Variants in TG observed in about 807,000 individuals in gnomAD.
The protein encoded by TG is thyroid hormones.
A neutral mutation model predicts 324.7 loss-of-function variants in TG; 270 were observed. That is an observed-to-expected ratio of 0.83 (90% CI 0.75 to 0.92). TG has a LOEUF of 0.92. Among genes scored for constraint, TG ranks in the 40% least tolerant of loss-of-function variants. The pLI, the probability that TG is intolerant of heterozygous loss-of-function variation, is 0.00. For synonymous variants in TG, 1,401 were observed against 1,327.0 expected (o/e 1.06, Z -1.21); for missense variants, 3,591 against 3,456.4 (o/e 1.04, Z -0.98).
intron 41 of TG, chr8:133,047,909 T>C (rs746881629): frequency 1.2e-6 from 2 of 1,610,882 alleles, no homozygotes; most frequent in Non-Finnish European, 1.7e-6. Flanking sequence ...CGGCCTTGTC[T>C]CTGCCCAGGC....
intron 22 of TG, among the ~76,000 whole-genome samples, chr8:132,927,772 C>T (rs1475177375): frequency 6.6e-6 from 1 of 152,172 alleles, no homozygotes; most frequent in Admixed American, 6.5e-5. Context: ...TATTTAGTCT[C>T]CTAGAATATT....
chr8:132,915,942 A>C (rs1352689986), intron 20 of TG, among the ~76,000 whole-genome samples: 1 of 152,122 alleles, frequency 6.6e-6, no homozygotes, highest in Non-Finnish European at 1.5e-5. Flanking sequence ...AAAGCCCTGA[A>C]TTTTCTTCAG....
chr8:132,967,329 A>G lies in TG; in HGVS notation c.5687-465A>G, dbSNP rs561887808. On this transcript the variant is annotated intron_variant, in intron 30 of 47. Transcript: ENST00000220616. ...TGTTTGATTTTGGAGAAGAAAGAGA[A>G]CACCCAAAATGAATCAAATCAACCA... Among the ~76,000 whole-genome samples, 10 of 152,346 alleles carry G rather than the reference A, an allele frequency of 6.6e-5. No homozygotes were observed. In the East Asian group the frequency reaches 1.9e-3, roughly 29 times the overall value.
chr8:132,910,252 A>G (rs1819316991), intron 18 of TG, among the ~76,000 whole-genome samples: 1 of 152,192 alleles, frequency 6.6e-6, no homozygotes, highest in Non-Finnish European at 1.5e-5. Context: ...GCTGGCTTTC[A>G]GGGCCCTGTC....
At chr8:132,930,253 C>A (rs977693562) in intron 23 of TG, among the ~76,000 whole-genome samples, 2 of 152,154 alleles carry the variant, frequency 1.3e-5, no homozygotes, top group African/African-American at 4.8e-5. Context: ...GGGACAGAAC[C>A]AAGTGGTCAA....
rs190112013 is a variant in TG at position 132,960,992 on chromosome 8, A to T, written c.5402-16A>T. On this transcript the variant is annotated splice_polypyrimidine_tract_variant and intron_variant, in intron 27 of 47. Coordinates refer to ENST00000220616, the MANE Select transcript of TG (RefSeq NM_003235.5). ...AGCACACTCAAGCTCATAAAAATAA[A>T]CATCTTCCTTTGCAGGTCTGACACC... is the stretch of plus-strand genomic sequence containing the variant. 1.6e-3 allele frequency: 2,534 copies of T among 1,613,748 alleles called. 5 individuals carry two copies. The highest frequency in any genetic ancestry group is 2.7e-3 in the Admixed American group (162 of 60,018).
intron 5 of TG, among the ~76,000 whole-genome samples, chr8:132,875,093 T>C (rs1488206035): frequency 1.3e-5 from 2 of 152,170 alleles, no homozygotes; most frequent in African/African-American, 4.8e-5. Context: ...CCCCTGCTCA[T>C]TACACCATAG....
At position 132,970,728 on chromosome 8, in the gene TG, G is replaced by A. The variant is rs567761753; in HGVS notation, c.5976-1066G>A. ...TCAGCCTGACCGCGGAGCTGTGATG[G>A]GAACTAGGGGAGTAGATTGTGCGTC... On this transcript the variant is annotated intron_variant, in intron 32 of 47. Transcript: ENST00000220616. Among the ~76,000 whole-genome samples, 16 of 152,314 alleles carry A rather than the reference G, an allele frequency of 1.1e-4. No individual in the cohort carries two copies. The South Asian group carries it at 3.3e-3, about 32-fold the overall frequency.
At position 133,131,917 on chromosome 8, in the gene TG, G is replaced by A. The variant is rs765232148; in HGVS notation, c.7968G>A (p.Met2656Ile). Residue 2656 changes from methionine (M) to isoleucine (I), a missense_variant, in exon 46 of 48, where the codon ATG becomes ATA. Met to Ile is a conservative substitution (Grantham distance 10, BLOSUM62 1). Coordinates refer to ENST00000220616, the MANE Select transcript of TG (RefSeq NM_003235.5). ...LEEKSLSLKI[M>I]QYFSHFIRSG... is the part of the protein sequence containing the mutation. ...AGAAGAGCCTGTCGCTGAAAATCAT[G>A]CAGTACTTTTCCCACTTCATCAGAT... 4 of 1,614,026 alleles carry A rather than the reference G, an allele frequency of 2.5e-6. No individual in the cohort carries two copies. In the South Asian group the frequency reaches 4.4e-5, roughly 18 times the overall value.
chr8:132,871,586 G>C (rs756437498), intron 4 of TG, 35 bp downstream of exon 4: 1 of 1,601,548 alleles, frequency 6.2e-7, no homozygotes. Flanking sequence ...CCCTAGAGCT[G>C]GGGAGGGGCT....
At chr8:132,876,097 T>C (rs1481577976) in intron 5 of TG, among the ~76,000 whole-genome samples, 1 of 152,110 alleles carries the variant, frequency 6.6e-6, no homozygotes, top group Non-Finnish European at 1.5e-5. Flanking sequence ...TAATCACCAC[T>C]GGACTTGGAT....
intron 34 of TG, among the ~76,000 whole-genome samples, chr8:132,979,197 C>A (rs1830531581): frequency 6.6e-6 from 1 of 152,082 alleles, no homozygotes; most frequent in African/African-American, 2.4e-5. Context: ...ACCCCAGAGC[C>A]CAGGGCTTCC....
At chr8:132,939,101 G>T (rs1824044384) in intron 25 of TG, among the ~76,000 whole-genome samples, 1 of 150,846 alleles carries the variant, frequency 6.6e-6, no homozygotes, top group South Asian at 2.1e-4. Flanking sequence ...CAGGATAGGT[G>T]CCCTATGTGG....
intron 27 of TG, among the ~76,000 whole-genome samples, chr8:132,952,972 GA>G (rs1826337128): frequency 6.6e-6 from 1 of 152,216 alleles, no homozygotes; most frequent in East Asian, 1.9e-4. Flanking sequence ...CAATTTACTG[GA>G]AGTGGAAAGT....
Position 133,118,779 on chromosome 8 carries a change from A to G in TG, c.7862+2063A>G, listed in dbSNP as rs995206609. On this transcript the variant is annotated intron_variant, in intron 45 of 47. Transcript: ENST00000220616. ...CCTTAGCTGAATAGTGGCCCCCGAA[A>G]GATATCAGGACCCAATCCCTGGAAC... is the stretch of plus-strand genomic sequence containing the variant. 1.3e-4 allele frequency among the ~76,000 whole-genome samples: 20 copies of G among 152,340 alleles called. 1 individual carries two copies. The highest frequency in any genetic ancestry group is 1.2e-3 in the South Asian group (6 of 4,830).
At chr8:133,038,380 G>A (rs1031180738) in intron 41 of TG, 14 of 671,838 alleles carry the variant, frequency 2.1e-5, no homozygotes, top group African/African-American at 1.6e-4. Flanking sequence ...GAGAAGATGC[G>A]AATTTGAGTC....
chr8:132,894,480 A>G (rs926732187), intron 11 of TG, among the ~76,000 whole-genome samples: 2 of 148,686 alleles, frequency 1.3e-5, no homozygotes, highest in African/African-American at 5.0e-5. Context: ...TTTTTTTGAG[A>G]CGGAGTCTTG....
At chr8:133,089,620 C>T (rs769461211) in intron 41 of TG, among the ~76,000 whole-genome samples, 1 of 152,196 alleles carries the variant, frequency 6.6e-6, no homozygotes, top group Non-Finnish European at 1.5e-5. Flanking sequence ...AAATTCTTCT[C>T]TTCATTTAGA....
At chr8:133,127,740 C>T (rs917227465) in intron 45 of TG, among the ~76,000 whole-genome samples, 1 of 152,180 alleles carries the variant, frequency 6.6e-6, no homozygotes, top group Admixed American at 6.5e-5. Flanking sequence ...CACTTCTTAG[C>T]AGGACCTGTG....
Sources: allele counts gnomAD v4.1 joint callset (sites outside exome capture counted in the v4.1 genomes callset), GRCh38; gene constraint gnomAD v4.1.1; transcripts MANE v1.5; gene names NCBI Gene and HGNC (gene_info 2026-07-23, HGNC 2026-07-21).